The following PGM2L1 variants were observed in gnomAD, a reference collection of about 807,000 sequenced individuals.
PGM2L1 encodes phosphoglucomutase 2 like 1, also known as glucose 1,6-bisphosphate synthase.
Under a neutral mutation model 73.4 loss-of-function variants are expected in PGM2L1, and 35 were observed. That is an observed-to-expected ratio of 0.48 (90% CI 0.36 to 0.63). The LOEUF (loss-of-function observed/expected upper bound fraction) is 0.63. Ranked by LOEUF, PGM2L1 falls within the 30% of genes least tolerant of loss-of-function variation. The probability of loss-of-function intolerance (pLI) is 0.00; values close to 1 mark genes in which losing one functional copy is unlikely to be tolerated. For missense variants in PGM2L1, 570 were observed against 742.0 expected (o/e 0.77, Z 2.69); for synonymous variants, 225 against 253.8 (o/e 0.89, Z 1.08).
intron 1 of PGM2L1, among the ~76,000 whole-genome samples, chr11:74,395,626 C>T (rs1391910048): frequency 3.9e-5 from 5 of 129,384 alleles, no homozygotes; most frequent in African/African-American, 5.9e-5. Context: ...AGGCTGGTCT[C>T]GAACTCCTGA....
At chr11:74,350,675 G>T (rs921532372) in intron 6 of PGM2L1, among the ~76,000 whole-genome samples, 5 of 152,082 alleles carry the variant, frequency 3.3e-5, no homozygotes, top group African/African-American at 9.7e-5. Context: ...TCAGGAGTTC[G>T]AGACCAGCCT....
In PGM2L1 at chr11:74,336,654, A is replaced by T. The variant is rs140061354; in HGVS notation, c.1867T>A (p.Ter623LysextTer7). ...TGTCATGACATATTGGTGTACCCCTAAACAGAACGCCAGATCAGTCCATTC... is the reference window on the plus strand; with the variant it reads ...TGTCATGACATATTGGTGTACCCCTTAACAGAACGCCAGATCAGTCCATTC... ...SKNGLIWRSV[*>K] is the part of the protein sequence containing the mutation. The change falls in exon 14 of 14, where the codon TAG (stop) becomes AAG (lysine). Residue 623 changes from the stop codon to lysine, a stop_lost. Transcript: ENST00000298198. 11 of 1,600,414 alleles carry T rather than the reference A, an allele frequency of 6.9e-6. No individual in the cohort carries two copies. The Admixed American group carries it at 8.5e-5, about 12-fold the overall frequency.
At chr11:74,360,949 C>T (rs1439041389) in intron 5 of PGM2L1, among the ~76,000 whole-genome samples, 19 of 152,214 alleles carry the variant, frequency 1.2e-4, no homozygotes. Context: ...GCCTGCCTGC[C>T]TCTGTAGACT....
At chr11:74,378,291 G>T (rs1862887472) in intron 1 of PGM2L1, among the ~76,000 whole-genome samples, 1 of 151,514 alleles carries the variant, frequency 6.6e-6, no homozygotes, top group Non-Finnish European at 1.5e-5. Context: ...AACAGAGTAA[G>T]ACTCCGTCTC....
At chr11:74,364,534 A>G (rs1862622234) in intron 5 of PGM2L1, among the ~76,000 whole-genome samples, 1 of 152,228 alleles carries the variant, frequency 6.6e-6, no homozygotes, top group South Asian at 2.1e-4. Context: ...TACAAAATCA[A>G]TGTGGAAAAA....
intron 5 of PGM2L1, among the ~76,000 whole-genome samples, chr11:74,363,694 A>T (rs1862604792): frequency 1.3e-5 from 2 of 152,208 alleles, no homozygotes; most frequent in Admixed American, 6.5e-5. Flanking sequence ...GACCAATAAC[A>T]GGCTCTGAAA....
Position 74,398,189 on chromosome 11 carries a change from G to A in PGM2L1, c.-28C>T, listed in dbSNP as rs1863211398. The A allele has an allele frequency of 6.3e-7, 1 of 1,593,410 alleles. No homozygotes were observed. Among genetic ancestry groups the A allele is most frequent in the Non-Finnish European group, 8.6e-7 (1 of 1,168,880 alleles). On this transcript the variant is annotated 5_prime_UTR_variant, in exon 1 of 14. Coordinates refer to ENST00000298198, the MANE Select transcript of PGM2L1 (RefSeq NM_173582.6). ...CGACCAGACAGGCGTACGGGCCGGGGGCCGGCGAAGACACTGAGTTGGGGT... is the reference window on the plus strand; with the variant it reads ...CGACCAGACAGGCGTACGGGCCGGGAGCCGGCGAAGACACTGAGTTGGGGT...
At chr11:74,364,479 C>CT (rs1412800870) in intron 5 of PGM2L1, among the ~76,000 whole-genome samples, 1 of 152,158 alleles carries the variant, frequency 6.6e-6, no homozygotes, top group Admixed American at 6.5e-5. Context: ...TCGTCTCAGC[C>CT]AAAATCTCCT....
intron 5 of PGM2L1, among the ~76,000 whole-genome samples, chr11:74,354,069 C>A (rs994067195): frequency 6.6e-6 from 1 of 151,826 alleles, no homozygotes; most frequent in Non-Finnish European, 1.5e-5. Context: ...GGATGTGATG[C>A]CTGGAGGTAC....
At chr11:74,345,340 G>A (rs1171346234) in intron 9 of PGM2L1, 129 bp downstream of exon 9, 2 of 909,916 alleles carry the variant, frequency 2.2e-6, no homozygotes, top group South Asian at 1.8e-5. Flanking sequence ...GACTGAACAA[G>A]TGTTAACAGA....
chr11:74,367,706 T>A (rs1332448994), intron 5 of PGM2L1, among the ~76,000 whole-genome samples: 1 of 152,222 alleles, frequency 6.6e-6, no homozygotes, highest in African/African-American at 2.4e-5. Flanking sequence ...TCCCCTGAGC[T>A]ACAAGTCTAT....
At chr11:74,388,747 T>C (rs1863049932) in intron 1 of PGM2L1, among the ~76,000 whole-genome samples, 1 of 152,218 alleles carries the variant, frequency 6.6e-6, no homozygotes, top group South Asian at 2.1e-4. Context: ...CCTCATTAAA[T>C]GACTTGGTGT....
At chr11:74,348,710 C>G (rs1862304865) in intron 6 of PGM2L1, among the ~76,000 whole-genome samples, 2 of 152,170 alleles carry the variant, frequency 1.3e-5, no homozygotes, top group Non-Finnish European at 2.9e-5. Context: ...CCTTCCTTCC[C>G]CAACCCAAAT....
At chr11:74,396,569 C>G (rs939972015) in intron 1 of PGM2L1, among the ~76,000 whole-genome samples, 1 of 152,142 alleles carries the variant, frequency 6.6e-6, no homozygotes, top group Non-Finnish European at 1.5e-5. Flanking sequence ...CGCCCGCCAC[C>G]GCGCCCGGCT....
intron 5 of PGM2L1, among the ~76,000 whole-genome samples, chr11:74,360,830 C>A (rs1370535248): frequency 6.6e-6 from 1 of 152,214 alleles, no homozygotes; most frequent in African/African-American, 2.4e-5. Flanking sequence ...GATAGAACTG[C>A]AAGGCCGCAG....
At chr11:74,374,209 G>T (rs1862821001) in intron 2 of PGM2L1, among the ~76,000 whole-genome samples, 1 of 151,838 alleles carries the variant, frequency 6.6e-6, no homozygotes, top group Non-Finnish European at 1.5e-5. Context: ...TCAGCCTCCC[G>T]GGTAGCTGGG....
chr11:74,363,240 G>A (rs573232045), intron 5 of PGM2L1, among the ~76,000 whole-genome samples: 1 of 152,164 alleles, frequency 6.6e-6, no homozygotes, highest in African/African-American at 2.4e-5. Flanking sequence ...ATTTAAAGCA[G>A]TGTGTAGAGG....
chr11:74,353,037 T>TAA (rs112872526), intron 5 of PGM2L1, among the ~76,000 whole-genome samples: 4,263 of 152,218 alleles, frequency 0.028, 114 homozygotes, highest in African/African-American at 0.067. Flanking sequence ...TCTGGGTAAT[T>TAA]AAAAAAATTT....
chr11:74,354,453 C>T (rs1862410979), intron 5 of PGM2L1: 8 of 780,306 alleles, frequency 1.0e-5, no homozygotes, highest in Middle Eastern at 3.7e-4. Flanking sequence ...ATGTCTAAGT[C>T]AGAGTCTCCT....
Sources: gnomAD v4.1 joint callset for allele counts (sites outside exome capture counted in the v4.1 genomes callset) on GRCh38, gnomAD v4.1.1 for gene constraint, MANE v1.5 for transcripts, NCBI Gene and HGNC (gene_info 2026-07-23, HGNC 2026-07-21) for gene names.